SLC6A20: variants seen among roughly 807,000 people sequenced by gnomAD.
The protein encoded by SLC6A20 is solute carrier family 6 member 20.
A neutral mutation model predicts 64.3 loss-of-function variants in SLC6A20; 73 were observed. That is an observed-to-expected ratio of 1.14 (90% confidence interval 0.94 to 1.38). The LOEUF is 1.38. SLC6A20 is among the 40% of genes most tolerant of loss of function. The probability of loss-of-function intolerance (pLI) is 0.00; values close to 1 mark genes in which losing one functional copy is unlikely to be tolerated. For synonymous variants in SLC6A20, 347 were observed against 329.6 expected, an observed-to-expected ratio of 1.05 and a Z score of -0.57; for missense variants, 725 against 772.8, an observed-to-expected ratio of 0.94 and a Z score of 0.73.
At position 45,762,998 on chromosome 3, in the gene SLC6A20, A is replaced by C. The variant is rs775571704; in HGVS notation, c.1378T>G (p.Phe460Val). 6.2e-7 allele frequency: 1 copy of C among 1,614,150 alleles called. No individual in the cohort carries two copies. The highest frequency in any genetic ancestry group is 1.1e-5 in the South Asian group (1 of 91,082). The change falls in exon 9 of 11, where the codon TTC becomes GTC. Residue 460 changes from phenylalanine (F) to valine (V), a missense_variant. Phe to Val is a conservative substitution (Grantham distance 50, BLOSUM62 -1). Coordinates refer to ENST00000358525, the MANE Select transcript of SLC6A20 (RefSeq NM_020208.4). ...GACAGTGTGGCCGCGTAGTCGTTGA[A>C]TATGTCAAACCAGTAGTTCCCAGCC... is the stretch of plus-strand genomic sequence containing the variant. ...MEAGNYWFDIFNDYAATLSLL... is the reference protein window; with the variant it reads ...MEAGNYWFDIVNDYAATLSLL...
intron 1 of SLC6A20, among the ~76,000 whole-genome samples, chr3:45,793,646 G>A (rs1700295322): frequency 6.6e-6 from 1 of 152,230 alleles, no homozygotes; most frequent in African/African-American, 2.4e-5. Context: ...GTCCCATGGA[G>A]AGGGGCACAG....
chr3:45,794,169 C>T (rs756095631), intron 1 of SLC6A20, among the ~76,000 whole-genome samples: 1 of 152,148 alleles, frequency 6.6e-6, no homozygotes, highest in Non-Finnish European at 1.5e-5. Context: ...GGGAGTTCTC[C>T]CAGCAACAAC....
At position 45,778,599 on chromosome 3, in the gene SLC6A20, T is replaced by C. The variant is rs578070910; in HGVS notation, c.354+1410A>G. Among the ~76,000 whole-genome samples, 8 of 152,336 alleles carry C rather than the reference T, an allele frequency of 5.3e-5. No homozygotes were observed. In the East Asian group the frequency reaches 1.3e-3, roughly 26 times the overall value. ...GGGGATGAGCAAATTATTCTGATTT[T>C]GTTAGGACAAGACACATTACTTCCA... On this transcript the variant is annotated intron_variant, in intron 3 of 10. Coordinates refer to ENST00000358525, the MANE Select transcript of SLC6A20 (RefSeq NM_020208.4).
chr3:45,764,937 G>A (rs1436729558), intron 8 of SLC6A20, among the ~76,000 whole-genome samples: 1 of 150,918 alleles, frequency 6.6e-6, no homozygotes, highest in Non-Finnish European at 1.5e-5. Context: ...TTCAGGCCAG[G>A]TGTGGTGGCT....
chr3:45,779,585 G>A (rs1366697280), intron 3 of SLC6A20, among the ~76,000 whole-genome samples: 4 of 152,324 alleles, frequency 2.6e-5, no homozygotes, highest in Non-Finnish European at 5.9e-5. Context: ...AGGAAAGCGG[G>A]AGAAGGGGAC....
At chr3:45,760,217 C>A (rs1480135204) in intron 9 of SLC6A20, among the ~76,000 whole-genome samples, 195 bp from the exon 10 acceptor site, 2 of 152,192 alleles carry the variant, frequency 1.3e-5, no homozygotes, top group East Asian at 3.9e-4. Flanking sequence ...AGGGCTGAGG[C>A]TGCCCAGAAG....
Position 45,788,789 on chromosome 3 carries a change from C to T in SLC6A20, c.122-6566G>A, listed in dbSNP as rs184197690. 2.0e-5 allele frequency among the ~76,000 whole-genome samples: 3 copies of T among 152,242 alleles called. No homozygotes were observed. In the East Asian group the frequency reaches 5.8e-4, roughly 29 times the overall value. The stretch of plus-strand genomic sequence containing the variant: ...GATGTTCTCAGACATGCTGAGAAAG[C>T]GAACCACCTATTTACTATTCCTGAA... On this transcript the variant is annotated intron_variant, in intron 1 of 10. Transcript: ENST00000358525.
chr3:45,765,632 C>T lies in SLC6A20; in HGVS notation c.1208G>A (p.Gly403Asp). ...VLYFFMLLML[G>D]IGSMLGNTAA... ...TGTGTTCCCCAGCATGCTCCCAATG[C>T]CCAGCATCAGCAGCATGAAGAAGTA... The change falls in exon 8 of 11, where the codon GGC becomes GAC. Residue 403 changes from glycine (G) to aspartate (D), a missense_variant. Physicochemically the swap from Gly to Asp is moderately conservative, Grantham distance 94. Coordinates refer to ENST00000358525, the MANE Select transcript of SLC6A20 (RefSeq NM_020208.4). The surrounding 1 kb of genome is among the most constrained non-coding windows in gnomAD (Gnocchi z 4.2). The T allele has an allele frequency of 6.2e-7, 1 of 1,614,172 alleles. No homozygotes were observed. The highest frequency in any genetic ancestry group is 1.1e-5 in the South Asian group (1 of 91,080).
At chr3:45,780,250 GAGACCAGGCAC>G in intron 2 of SLC6A20, 150 bp from the exon 3 acceptor site, 1 of 642,812 alleles carries the variant, frequency 1.6e-6, no homozygotes, top group Non-Finnish European at 2.7e-6. Flanking sequence ...AGTATTAAGC[GAGACCAGGCAC>G]CTGTGAACAC....
rs754742792 is a variant in SLC6A20 at position 45,782,133 on chromosome 3, T to C, written c.212A>G (p.Gln71Arg). 3 of 1,613,574 alleles carry C rather than the reference T, an allele frequency of 1.9e-6. No individual in the cohort carries two copies. The highest frequency in any genetic ancestry group is 1.3e-5 in the African/African-American group (1 of 74,888). Reference protein sequence around the residue: ...LELAVGQRMRQGSIGAWRTIS... With the variant: ...LELAVGQRMRRGSIGAWRTIS... ...GGTCCTCCAGGCGCCGATGCTGCCC[T>C]GCCGCATGCGCTGCCCCACAGCCAG... Residue 71 changes from glutamine to arginine, a missense_variant, in exon 2 of 11, where the codon CAG becomes CGG. Physicochemically the swap from Gln to Arg is conservative, Grantham distance 43 (BLOSUM62 1). Transcript: ENST00000358525.
intron 8 of SLC6A20, among the ~76,000 whole-genome samples, chr3:45,764,312 C>T (rs910360206): frequency 3.3e-5 from 5 of 152,190 alleles, no homozygotes; most frequent in African/African-American, 9.7e-5. Context: ...GGCAGACGAT[C>T]GCTGCTCGAA....
rs752488259 is a variant in SLC6A20 at position 45,796,287 on chromosome 3, G to A, written c.121+12C>T. 6.3e-7 allele frequency: 1 copy of A among 1,596,236 alleles called. No individual in the cohort carries two copies. The highest frequency in any genetic ancestry group is 8.5e-7 in the Non-Finnish European group (1 of 1,171,814). On this transcript the variant is annotated intron_variant, in intron 1 of 10. Transcript: ENST00000358525. ...AGAGTTGGGCTGGGGCCGGGGCGCG[G>A]TGGGCACTCACCTCCGCCGTACATC...
At chr3:45,767,237 G>A (rs1699792198) in intron 7 of SLC6A20, among the ~76,000 whole-genome samples, 1 of 152,180 alleles carries the variant, frequency 6.6e-6, no homozygotes, top group Non-Finnish European at 1.5e-5. Flanking sequence ...TCTAAATAGT[G>A]TTAAAATACT....
At chr3:45,790,180 C>T (rs939760643) in intron 1 of SLC6A20, 10 of 152,084 alleles carry the variant, frequency 6.6e-5, no homozygotes, top group African/African-American at 2.4e-4. Context: ...TCTTTCTCTC[C>T]CTCCACTTAC....
chr3:45,782,277 G>C, intron 1 of SLC6A20, 54 bp from the exon 2 acceptor site: 1 of 1,569,570 alleles, frequency 6.4e-7, no homozygotes, highest in Middle Eastern at 1.7e-4. Context: ...TTTTCTCCAC[G>C]ACCACTCAAC....
In SLC6A20 at chr3:45,763,022, C is replaced by G. The variant is rs762026090; in HGVS notation, c.1354G>C (p.Ala452Pro). 27 of 1,614,046 alleles carry G rather than the reference C, an allele frequency of 1.7e-5. No individual in the cohort carries two copies. Among genetic ancestry groups the G allele is most frequent in the Admixed American group, 1.7e-4 (10 of 60,008 alleles). Residue 452 changes from alanine to proline, a missense_variant, in exon 9 of 11, where the codon GCT (alanine) becomes CCT (proline). Ala to Pro is a conservative substitution (Grantham distance 27). Coordinates refer to ENST00000358525, the MANE Select transcript of SLC6A20 (RefSeq NM_020208.4). ...CAIGMVFTME[A>P]GNYWFDIFND... The stretch of plus-strand genomic sequence containing the variant: ...AATATGTCAAACCAGTAGTTCCCAG[C>G]CTCCATCGTGAACACCATGCCAATG...
chr3:45,777,335 G>GC (rs61287374), intron 3 of SLC6A20, among the ~76,000 whole-genome samples: 30 of 151,996 alleles, frequency 2.0e-4, no homozygotes, highest in Non-Finnish European at 2.8e-4. Flanking sequence ...ACCTCCCCAG[G>GC]CCACCCTAGC....
Position 45,796,398 on chromosome 3 carries a change from A to G in SLC6A20, c.22T>C (p.Trp8Arg). 6.2e-7 allele frequency: 1 copy of G among 1,610,464 alleles called. No homozygotes were observed. Among genetic ancestry groups the G allele is most frequent in the Non-Finnish European group, 8.5e-7 (1 of 1,179,178 alleles). The change falls in exon 1 of 11, where the codon TGG becomes CGG. Residue 8 changes from tryptophan to arginine, a missense_variant. Physicochemically the swap from Trp to Arg is moderately radical, Grantham distance 101. Transcript: ENST00000358525. Reference sequence around the variant, plus strand: ...AACACGAACTGTAGCGAGTTGGCCCACAGCGGCCGCGCTTTCTCCATGGCC... The same window carrying G: ...AACACGAACTGTAGCGAGTTGGCCCGCAGCGGCCGCGCTTTCTCCATGGCC... MEKARPL[W>R]ANSLQFVFAC...
chr3:45,775,475 T>C (rs1699949227), intron 4 of SLC6A20, among the ~76,000 whole-genome samples: 1 of 152,154 alleles, frequency 6.6e-6, no homozygotes, highest in Admixed American at 6.5e-5. Context: ...CTGGGTGGTA[T>C]GGATTTGGGG....
Sources: gnomAD v4.1 joint callset for allele counts (sites outside exome capture counted in the v4.1 genomes callset) on GRCh38, gnomAD v4.1.1 for gene constraint, Gnocchi (gnomAD v3.1) non-coding constraint, MANE v1.5 for transcripts, NCBI Gene and HGNC (gene_info 2026-07-23, HGNC 2026-07-21) for gene names.